ANKIB1: variants seen among roughly 807,000 people sequenced by gnomAD.
ANKIB1 encodes the protein ankyrin repeat and IBR domain-containing protein 1.
A neutral mutation model predicts 122.1 loss-of-function variants in ANKIB1; 43 were observed. The observed-to-expected ratio is 0.35, with a 90% CI of 0.28 to 0.45. The LOEUF is 0.45. Ranked by LOEUF, ANKIB1 falls within the 20% of genes least tolerant of loss-of-function variation. The pLI is 1.00. For missense variants in ANKIB1, 992 were observed against 1,329.5 expected, an observed-to-expected ratio of 0.75 and a Z score of 3.95; for synonymous variants, 390 against 442.0, an observed-to-expected ratio of 0.88 and a Z score of 1.48.
chr7:92,282,838 T>C (rs79422189), intron 1 of ANKIB1, among the ~76,000 whole-genome samples: 2,739 of 152,288 alleles, frequency 0.018, 39 homozygotes, highest in Middle Eastern at 0.068. Flanking sequence ...TAGAGAGCTG[T>C]GATCATTATA....
rs1480604060 is a variant in ANKIB1 at position 92,352,456 on chromosome 7, T to G, written c.1231-20T>G. 4 of 1,610,902 alleles carry G rather than the reference T, an allele frequency of 2.5e-6. No homozygotes were observed. In the African/African-American group the frequency reaches 5.4e-5, roughly 22 times the overall value. ...CATTAAAATATTTTCTTTTGTGTTT[T>G]GTTATTGCTGTTTAAACAGGCCTTT... is the stretch of plus-strand genomic sequence containing the variant. On this transcript the variant is annotated intron_variant, in intron 8 of 19. Transcript: ENST00000265742.
Position 92,388,039 on chromosome 7 carries a change from AAAGT to A in ANKIB1, c.1906+3_1906+6del. The stretch of plus-strand genomic sequence containing the variant: ...GAGCAATTGAGCAGAGCTCTCAAAG[AAAGT>A]AAGTTATAAGTTGTATGTGTGATAA... On this transcript the variant is annotated splice_donor_variant and coding_sequence_variant, in exon 14 of 20. Transcript: ENST00000265742. LOFTEE classifies it high-confidence loss of function. 1 of 1,563,256 alleles carries A rather than the reference AAAGT, an allele frequency of 6.4e-7. No homozygotes were observed. The highest frequency in any genetic ancestry group is 8.7e-7 in the Non-Finnish European group (1 of 1,152,736).
chr7:92,308,150 G>A (rs1303191237), intron 3 of ANKIB1, among the ~76,000 whole-genome samples: 2 of 152,010 alleles, frequency 1.3e-5, no homozygotes, highest in Admixed American at 6.6e-5. Flanking sequence ...GATTACAGGC[G>A]GGAGTCACTG....
chr7:92,308,819 T>C (rs1233425672), intron 3 of ANKIB1, among the ~76,000 whole-genome samples: 3 of 152,156 alleles, frequency 2.0e-5, no homozygotes, highest in Non-Finnish European at 4.4e-5. Context: ...TTTGCATAGA[T>C]GTATTTAAGT....
rs779434686 is a variant in ANKIB1 at position 92,398,792 on chromosome 7, A to G, written c.3113A>G (p.Glu1038Gly). 1.9e-6 allele frequency: 3 copies of G among 1,611,396 alleles called. No homozygotes were observed. Among genetic ancestry groups the G allele is most frequent in the South Asian group, 2.2e-5 (2 of 90,582 alleles). ...AGTGAAGGTAGAGGAACCCAGATAG[A>G]AGAAAATCCTTTGGAAGAAAATATT... ...SVSEGRGTQI[E>G]ENPLEENILA... The change falls in exon 20 of 20, where the codon GAA becomes GGA. Residue 1038 changes from glutamate (E) to glycine (G), a missense_variant. By Grantham distance (98) the Glu-to-Gly change is moderately conservative. Coordinates refer to ENST00000265742, the MANE Select transcript of ANKIB1 (RefSeq NM_019004.2).
intron 5 of ANKIB1, among the ~76,000 whole-genome samples, chr7:92,328,342 A>C (rs746220127): frequency 4.6e-5 from 7 of 152,098 alleles, no homozygotes; most frequent in Non-Finnish European, 8.8e-5. Flanking sequence ...TATGGTAGCT[A>C]TTTCTCCCCA....
chr7:92,364,254 A>C (rs1473698852), intron 10 of ANKIB1, among the ~76,000 whole-genome samples: 2 of 139,592 alleles, frequency 1.4e-5, no homozygotes, highest in East Asian at 2.3e-4. Context: ...TGGAGGTTGC[A>C]TTGAGCTGAA....
At chr7:92,321,954 G>A (rs1024608912) in intron 4 of ANKIB1, among the ~76,000 whole-genome samples, 1 of 152,146 alleles carries the variant, frequency 6.6e-6, no homozygotes, top group African/African-American at 2.4e-5. Context: ...AATGACAGTT[G>A]TGCTCTCCTC....
intron 9 of ANKIB1, among the ~76,000 whole-genome samples, chr7:92,359,229 A>G (rs572178602): frequency 2.6e-5 from 4 of 152,136 alleles, no homozygotes; most frequent in Admixed American, 6.5e-5. Context: ...CTAGCCCCCC[A>G]TCCCCCAACA....
In ANKIB1 at chr7:92,358,538, CT is replaced by C. The variant is rs34422207; in HGVS notation, c.1398-3634del. Among the ~76,000 whole-genome samples, 311 of 132,604 alleles carry C rather than the reference CT, an allele frequency of 2.3e-3. 2 individuals carry two copies. Among genetic ancestry groups the C allele is most frequent in the Non-Finnish European group, 3.3e-3 (208 of 63,002 alleles). The allele number at this position is 132,604 out of a possible 152,430, so 87.0% of individuals were successfully genotyped here. On this transcript the variant is annotated intron_variant, in intron 9 of 19. Transcript: ENST00000265742. ...GCAATTACGGCTTTTGAAGAAGTGG[CT>C]TTTTTTTTTTTTCAGACTTTATTTG...
At chr7:92,367,030 A>T (rs937908545) in intron 10 of ANKIB1, among the ~76,000 whole-genome samples, 4 of 152,232 alleles carry the variant, frequency 2.6e-5, no homozygotes, top group Non-Finnish European at 5.9e-5. Context: ...CTTCCTCATG[A>T]TAATGATCCT....
At chr7:92,302,375 A>G (rs1399320657) in intron 2 of ANKIB1, among the ~76,000 whole-genome samples, 1 of 152,204 alleles carries the variant, frequency 6.6e-6, no homozygotes, top group African/African-American at 2.4e-5. Flanking sequence ...GGTATCTGCA[A>G]TAGCAGGCAT....
chr7:92,271,280 A>G (rs1332217030), intron 1 of ANKIB1, among the ~76,000 whole-genome samples: 2 of 152,126 alleles, frequency 1.3e-5, no homozygotes, highest in Non-Finnish European at 2.9e-5. Flanking sequence ...CCATATTTGT[A>G]TACACCTGTT....
intron 9 of ANKIB1, among the ~76,000 whole-genome samples, chr7:92,357,227 G>A (rs1003604634): frequency 1.3e-5 from 2 of 152,034 alleles, no homozygotes; most frequent in African/African-American, 4.8e-5. Flanking sequence ...GTTTAGATTA[G>A]GCAACTATTT....
At chr7:92,331,627 G>A (rs1803175588) in intron 5 of ANKIB1, among the ~76,000 whole-genome samples, 1 of 152,124 alleles carries the variant, frequency 6.6e-6, no homozygotes. Flanking sequence ...ACTAGTTACA[G>A]TAGCCAGCTA....
chr7:92,386,599 G>T lies in ANKIB1; in HGVS notation c.1708G>T (p.Val570Phe). ...GGYYRCTRYE[V>F]IQHVEEQSKE... ...TTATTACAGATGTACTCGCTATGAA[G>T]TCATTCAACACGTGGAGGAGCAATC... The change falls in exon 12 of 20, where the codon GTC becomes TTC. Residue 570 changes from valine to phenylalanine, a missense_variant. By Grantham distance (50) the Val-to-Phe change is conservative. Coordinates refer to ENST00000265742, the MANE Select transcript of ANKIB1 (RefSeq NM_019004.2). 6.2e-7 allele frequency: 1 copy of T among 1,605,576 alleles called. No individual in the cohort carries two copies. The highest frequency in any genetic ancestry group is 2.3e-5 in the East Asian group (1 of 44,440).
At chr7:92,273,358 G>T (rs538591524) in intron 1 of ANKIB1, among the ~76,000 whole-genome samples, 3 of 152,256 alleles carry the variant, frequency 2.0e-5, no homozygotes, top group South Asian at 2.1e-4. Flanking sequence ...AGGATTCTTT[G>T]CATATTCTTG....
intron 3 of ANKIB1, among the ~76,000 whole-genome samples, chr7:92,309,342 C>T (rs1802637157): frequency 1.3e-5 from 2 of 152,210 alleles, no homozygotes; most frequent in African/African-American, 4.8e-5. Context: ...CCCTCATCTT[C>T]TGGAGTAGCT....
At position 92,317,341 on chromosome 7, in the gene ANKIB1, T is replaced by G. The variant is rs1022840537; in HGVS notation, c.487-1989T>G. On this transcript the variant is annotated intron_variant, in intron 3 of 19. Transcript: ENST00000265742. ...AGGGGTTTGGGGATGAGGCTGAGAT[T>G]CTTCATTTCTAACAAATTCCCAGGA... 3.9e-5 allele frequency among the ~76,000 whole-genome samples: 6 copies of G among 152,086 alleles called. No individual in the cohort carries two copies. The East Asian group carries it at 9.6e-4, about 24-fold the overall frequency.
Sources: allele counts gnomAD v4.1 joint callset (sites outside exome capture counted in the v4.1 genomes callset), GRCh38; gene constraint gnomAD v4.1.1; transcripts MANE v1.5; gene names NCBI Gene and HGNC (gene_info 2026-07-23, HGNC 2026-07-21).